Variants in EPHA7 observed in about 807,000 individuals in gnomAD.
EPHA7 encodes the protein ephrin type-A receptor 7.
In EPHA7, 25 loss-of-function variants were observed where a neutral mutation model predicts 112.6. That is an observed-to-expected ratio of 0.22 (90% CI 0.16 to 0.31). EPHA7 has a LOEUF of 0.31. Ranked by LOEUF, EPHA7 falls within the 10% of genes least tolerant of loss-of-function variation. The pLI, the probability that EPHA7 is intolerant of heterozygous loss-of-function variation, is 1.00. For synonymous variants in EPHA7, 437 were observed against 406.5 expected, an observed-to-expected ratio of 1.07 and a Z score of -0.90; for missense variants, 962 against 1,212.6, an observed-to-expected ratio of 0.79 and a Z score of 3.07.
intron 5 of EPHA7, among the ~76,000 whole-genome samples, chr6:93,309,659 A>G (rs938864475): frequency 1.3e-5 from 2 of 152,158 alleles, no homozygotes; most frequent in Non-Finnish European, 2.9e-5. Flanking sequence ...ATAATTATAT[A>G]AGAAAATAAA....
In EPHA7 at chr6:93,339,474, G is replaced by A. The variant is rs193203435; in HGVS notation, c.1324+17243C>T. 3.8e-3 allele frequency among the ~76,000 whole-genome samples: 582 copies of A among 151,644 alleles called. 9 individuals are homozygous for A. Among genetic ancestry groups the A allele is most frequent in the African/African-American group, 0.013 (559 of 41,446 alleles). On this transcript the variant is annotated intron_variant, in intron 5 of 16. Coordinates refer to ENST00000369303, the MANE Select transcript of EPHA7 (RefSeq NM_004440.4). ...ACACCACTAACTCATAACTGAATGAGGTTTTTATTTTATAAAACATTTTTT... is the reference window on the plus strand; with the variant it reads ...ACACCACTAACTCATAACTGAATGAAGTTTTTATTTTATAAAACATTTTTT...
intron 3 of EPHA7, among the ~76,000 whole-genome samples, chr6:93,394,064 T>G (rs1408364604): frequency 1.3e-5 from 2 of 151,810 alleles, no homozygotes; most frequent in African/African-American, 4.8e-5. Flanking sequence ...CCATCGGATT[T>G]ATCTTGACTT....
chr6:93,291,270 T>A (rs1173908514), intron 5 of EPHA7, among the ~76,000 whole-genome samples: 1 of 152,202 alleles, frequency 6.6e-6, no homozygotes. Flanking sequence ...TTACTAAAAT[T>A]TTATTTTGAA....
At chr6:93,383,843 G>C (rs1235254278) in intron 3 of EPHA7, among the ~76,000 whole-genome samples, 1 of 152,082 alleles carries the variant, frequency 6.6e-6, no homozygotes, top group African/African-American at 2.4e-5. Flanking sequence ...GGCTACAGGA[G>C]TGTCAGTGTG....
At position 93,311,114 on chromosome 6, in the gene EPHA7, A is replaced by ATTTTTTTTTTTTTTTTTTTTTTTT. The variant is rs71542009; in HGVS notation, c.1325-38716_1325-38693dup. Among the ~76,000 whole-genome samples, 28 of 78,510 alleles carry ATTTTTTTTTTTTTTTTTTTTTTTT rather than the reference A, an allele frequency of 3.6e-4. 2 individuals are homozygous for ATTTTTTTTTTTTTTTTTTTTTTTT. The highest frequency in any genetic ancestry group is 1.2e-3 in the African/African-American group (20 of 17,022). The allele number at this position is 78,510 out of a possible 152,430, so 51.5% of individuals were successfully genotyped here. On this transcript the variant is annotated intron_variant, in intron 5 of 16. Coordinates refer to ENST00000369303, the MANE Select transcript of EPHA7 (RefSeq NM_004440.4). ...ACAGGCATGTGCATCATGCCCAGCT[A>ATTTTTTTTTTTTTTTTTTTTTTTT]TTTTTTTTTTTTTTTTTTTTTTTTT...
intron 5 of EPHA7, among the ~76,000 whole-genome samples, chr6:93,351,017 T>A (rs188192084): frequency 2.2e-3 from 337 of 152,190 alleles, no homozygotes; most frequent in Non-Finnish European, 3.8e-3. Context: ...TAACCCTCTA[T>A]AATGGATATT....
chr6:93,354,432 T>A (rs1775840307), intron 5 of EPHA7, among the ~76,000 whole-genome samples: 1 of 152,016 alleles, frequency 6.6e-6, no homozygotes, highest in African/African-American at 2.4e-5. Flanking sequence ...TTTTTTAACC[T>A]TTATTTATGT....
intron 5 of EPHA7, among the ~76,000 whole-genome samples, chr6:93,320,730 G>GA (rs2127883252): frequency 6.6e-6 from 1 of 151,882 alleles, no homozygotes; most frequent in South Asian, 2.1e-4. Flanking sequence ...GCATTCATGG[G>GA]AAAATATAAT....
At chr6:93,407,858 AT>A (rs1778794363) in intron 3 of EPHA7, among the ~76,000 whole-genome samples, 1 of 151,900 alleles carries the variant, frequency 6.6e-6, no homozygotes, top group Admixed American at 6.6e-5. Flanking sequence ...TGATGAGATG[AT>A]TTTTCTCATT....
chr6:93,245,890 G>A (rs573843989), intron 15 of EPHA7, among the ~76,000 whole-genome samples: 1 of 152,200 alleles, frequency 6.6e-6, no homozygotes, highest in East Asian at 1.9e-4. Context: ...CACCTCCACA[G>A]GTGCCTAACT....
chr6:93,310,764 A>G (rs1322420646), intron 5 of EPHA7, among the ~76,000 whole-genome samples: 1 of 152,186 alleles, frequency 6.6e-6, no homozygotes, highest in African/African-American at 2.4e-5. Flanking sequence ...CTTCATTACT[A>G]AAAACTGCTA....
At chr6:93,366,793 G>C (rs1450307829) in intron 3 of EPHA7, among the ~76,000 whole-genome samples, 1 of 152,032 alleles carries the variant, frequency 6.6e-6, no homozygotes, top group Non-Finnish European at 1.5e-5. Context: ...TAAGTATCCA[G>C]AAATAGAATT....
chr6:93,419,553 G>A lies in EPHA7; in HGVS notation c.-212C>T. ...GTTTGCTGCCTGCAAGTCTCCGACT[G>A]CAGACCGGCCGCTTGCTCCACACTC... On this transcript the variant is annotated 5_prime_UTR_variant, in exon 1 of 17. Transcript: ENST00000369303. 4.0e-6 allele frequency: 2 copies of A among 501,150 alleles called. No individual in the cohort carries two copies. Among genetic ancestry groups the A allele is most frequent in the Non-Finnish European group, 7.0e-6 (2 of 287,548 alleles). The allele number at this position is 501,150 out of a possible 1,614,324, so 31.0% of individuals were successfully genotyped here. A position where few individuals can be genotyped will look rare whatever the true frequency, so the allele number is the denominator to read the frequency against.
At chr6:93,327,476 T>C (rs149886960) in intron 5 of EPHA7, among the ~76,000 whole-genome samples, 1 of 151,464 alleles carries the variant, frequency 6.6e-6, no homozygotes, top group African/African-American at 2.4e-5. Flanking sequence ...AACCCCAATA[T>C]CACACATAAA....
intron 2 of EPHA7, 23 bp from the exon 3 acceptor site, chr6:93,411,193 ATCAG>A: frequency 6.3e-7 from 1 of 1,581,560 alleles, no homozygotes; most frequent in Non-Finnish European, 8.6e-7. Flanking sequence ...AAAAAAGGTC[ATCAG>A]TCATTCAGCA....
rs1437172776 is a variant in EPHA7, at chr6:93,258,089, C to G, written c.2110+10G>C. On this transcript the variant is annotated intron_variant, in intron 11 of 16. Coordinates refer to ENST00000369303, the MANE Select transcript of EPHA7 (RefSeq NM_004440.4). Reference sequence around the variant, plus strand: ...CTTTTTGATAAAATAAAGATATAACCAATATCTACCTCTTGTAACAACCCC... The same window carrying G: ...CTTTTTGATAAAATAAAGATATAACGAATATCTACCTCTTGTAACAACCCC... 1.2e-6 allele frequency: 2 copies of G among 1,604,554 alleles called. No individual in the cohort carries two copies. Among genetic ancestry groups the G allele is most frequent in the Non-Finnish European group, 8.5e-7 (1 of 1,173,020 alleles).
At chr6:93,327,709 G>T (rs163996) in intron 5 of EPHA7, among the ~76,000 whole-genome samples, 93,560 of 151,270 alleles carry the variant, frequency 0.62, 29,210 homozygotes, top group African/African-American at 0.72. Context: ...ATTCAAAATG[G>T]ATTCAGAATT....
chr6:93,270,142 T>A (rs1026564954), intron 6 of EPHA7, among the ~76,000 whole-genome samples: 1 of 151,276 alleles, frequency 6.6e-6, no homozygotes, highest in African/African-American at 2.4e-5. Flanking sequence ...GACATACCAA[T>A]TTTTTTAAAA....
chr6:93,378,132 C>T (rs1777153582), intron 3 of EPHA7, among the ~76,000 whole-genome samples: 1 of 151,816 alleles, frequency 6.6e-6, no homozygotes, highest in African/African-American at 2.4e-5. Flanking sequence ...AGGCAAATAA[C>T]TAATAGAGAG....
Sources: allele counts gnomAD v4.1 joint callset (sites outside exome capture counted in the v4.1 genomes callset), GRCh38; gene constraint gnomAD v4.1.1; transcripts MANE v1.5; gene names NCBI Gene and HGNC (gene_info 2026-07-23, HGNC 2026-07-21).